The following ARHGEF28 variants were observed in gnomAD, a reference collection of about 807,000 sequenced individuals.
ARHGEF28 encodes 190 kDa guanine nucleotide exchange factor.
A neutral mutation model predicts 206.6 loss-of-function variants in ARHGEF28; 152 were observed. The ratio of observed to expected loss-of-function variants is 0.74; its 90% CI spans 0.64 to 0.84. The LOEUF is 0.84. ARHGEF28 is among the 40% of genes least tolerant of loss of function. The pLI is 0.00. For synonymous variants in ARHGEF28, 763 were observed against 776.4 expected (o/e 0.98, Z 0.29); for missense variants, 2,028 against 2,073.2 (o/e 0.98, Z 0.42).
intron 30 of ARHGEF28, chr5:73,900,953 C>T: frequency 2.4e-6 from 1 of 415,472 alleles, no homozygotes; most frequent in East Asian, 4.5e-5. Flanking sequence ...GATGGTGATA[C>T]TTTGTGCGGT....
intron 7 of ARHGEF28, among the ~76,000 whole-genome samples, chr5:73,788,913 T>C (rs1339917900): frequency 6.6e-6 from 1 of 150,792 alleles, no homozygotes; most frequent in Non-Finnish European, 1.5e-5. Context: ...CTTTAGAGAT[T>C]TCTATGGTGG....
chr5:73,918,892 T>C (rs1056970258), intron 35 of ARHGEF28, among the ~76,000 whole-genome samples: 1 of 152,234 alleles, frequency 6.6e-6, no homozygotes, highest in Non-Finnish European at 1.5e-5. Context: ...AGGGCTTGGC[T>C]GGAGCCTGCA....
At chr5:73,861,453 A>G (rs1178911157) in intron 16 of ARHGEF28, among the ~76,000 whole-genome samples, 1 of 152,186 alleles carries the variant, frequency 6.6e-6, no homozygotes. Flanking sequence ...ATAAAAAACT[A>G]TGGGAGCCTT....
chr5:73,887,596 T>C lies in ARHGEF28; in HGVS notation c.3311-7T>C, dbSNP rs1198990997. 2.6e-6 allele frequency: 4 copies of C among 1,548,718 alleles called. No individual in the cohort carries two copies. Among genetic ancestry groups the C allele is most frequent in the Non-Finnish European group, 3.5e-6 (4 of 1,147,224 alleles). On this transcript the variant is annotated splice_polypyrimidine_tract_variant and splice_region_variant and intron_variant, in intron 25 of 35. Coordinates refer to ENST00000513042, the MANE Select transcript of ARHGEF28 (RefSeq NM_001177693.2). ...TCATTAATACTAGTAATGTTTTTTC[T>C]TTAAAGATATCCTAGCTCTACTTCT...
At chr5:73,845,909 G>A (rs115410201) in intron 11 of ARHGEF28, among the ~76,000 whole-genome samples, 1 of 147,808 alleles carries the variant, frequency 6.8e-6, no homozygotes, top group Non-Finnish European at 1.5e-5. Context: ...CATTGTTTGA[G>A]CCTGGGAGAC....
intron 9 of ARHGEF28, chr5:73,813,796 A>G (rs1286228257): frequency 9.8e-7 from 1 of 1,020,330 alleles, no homozygotes; most frequent in Admixed American, 2.2e-5. Flanking sequence ...CCTTTATAAA[A>G]CACTCACTGT....
intron 8 of ARHGEF28, among the ~76,000 whole-genome samples, chr5:73,794,858 C>T (rs1215629102): frequency 2.0e-5 from 3 of 152,188 alleles, no homozygotes; most frequent in African/African-American, 7.2e-5. Context: ...CTGCCCGCCT[C>T]GGTCTCCCCA....
chr5:73,858,993 C>T (rs1430498173), intron 16 of ARHGEF28, among the ~76,000 whole-genome samples: 1 of 152,056 alleles, frequency 6.6e-6, no homozygotes, highest in Non-Finnish European at 1.5e-5. Context: ...CTGGCTGTTC[C>T]TTCTGATTGC....
intron 11 of ARHGEF28, among the ~76,000 whole-genome samples, chr5:73,845,451 G>C (rs1758275594): frequency 6.6e-6 from 1 of 152,036 alleles, no homozygotes; most frequent in African/African-American, 2.4e-5. Flanking sequence ...ATCTCTCCTT[G>C]GTGTGCCTCT....
chr5:73,921,309 T>G (rs1416995352), intron 35 of ARHGEF28, among the ~76,000 whole-genome samples: 4 of 152,206 alleles, frequency 2.6e-5, no homozygotes, highest in African/African-American at 9.7e-5. Flanking sequence ...GTGGGTCACT[T>G]TTCAGACACA....
rs747671340 is a variant in ARHGEF28, at chr5:73,776,556, C to A, written c.700C>A (p.Leu234Ile). Reference protein sequence around the residue: ...RWSPSFSRVQLSEEASLHYIH... With the variant: ...RWSPSFSRVQISEEASLHYIH... ...GTCCCCAAGCTTCTCCCGAGTGCAG[C>A]TCAGTGAAGAAGCCTCCTTGCATTA... Residue 234 changes from leucine (L) to isoleucine (I), a missense_variant, in exon 6 of 36, where the codon CTC becomes ATC. Transcript: ENST00000513042. 6.2e-7 allele frequency: 1 copy of A among 1,613,776 alleles called. No individual in the cohort carries two copies. Among genetic ancestry groups the A allele is most frequent in the South Asian group, 1.1e-5 (1 of 91,028 alleles).
chr5:73,868,334 G>T (rs1759847882), intron 20 of ARHGEF28, 107 bp downstream of exon 20: 34 of 1,363,002 alleles, frequency 2.5e-5, no homozygotes, highest in South Asian at 1.3e-4. Flanking sequence ...CTTTTTCAAA[G>T]AAGTCTGTTT....
At chr5:73,747,575 A>G (rs918727082) in intron 2 of ARHGEF28, among the ~76,000 whole-genome samples, 5 of 152,044 alleles carry the variant, frequency 3.3e-5, no homozygotes, top group African/African-American at 1.2e-4. Flanking sequence ...TCTCCTGCCC[A>G]TCCATTTCTG....
intron 3 of ARHGEF28, among the ~76,000 whole-genome samples, chr5:73,751,792 G>A (rs1479954890): frequency 6.6e-6 from 1 of 152,020 alleles, no homozygotes; most frequent in Non-Finnish European, 1.5e-5. Flanking sequence ...AATTTCCCTG[G>A]TGACAGCTTT....
At chr5:73,780,861 G>A (rs1753808065) in intron 7 of ARHGEF28, 116 bp downstream of exon 7, 1 of 1,105,866 alleles carries the variant, frequency 9.0e-7, no homozygotes, top group Non-Finnish European at 1.3e-6. Flanking sequence ...TCAGAGGCAA[G>A]ATCAGGGGTG....
chr5:73,867,775 A>C, intron 18 of ARHGEF28, 101 bp from the exon 19 acceptor site: 1 of 1,466,758 alleles, frequency 6.8e-7, no homozygotes, highest in Non-Finnish European at 9.3e-7. Flanking sequence ...ATCAGATTAC[A>C]AGTAGTCATT....
At chr5:73,734,905 C>T (rs532486652) in intron 2 of ARHGEF28, among the ~76,000 whole-genome samples, 1 of 152,128 alleles carries the variant, frequency 6.6e-6, no homozygotes, top group African/African-American at 2.4e-5. Context: ...GCTTACTACA[C>T]CTTCTATTTT....
chr5:73,720,684 A>G (rs1749887329), intron 2 of ARHGEF28, among the ~76,000 whole-genome samples: 1 of 152,218 alleles, frequency 6.6e-6, no homozygotes, highest in South Asian at 2.1e-4. Flanking sequence ...AAGGAGAGTC[A>G]TGGGCTGGAT....
chr5:73,694,217 A>G (rs1748036529), intron 2 of ARHGEF28, among the ~76,000 whole-genome samples: 2 of 152,194 alleles, frequency 1.3e-5, no homozygotes. Flanking sequence ...TGAGATGATA[A>G]GCTTCTGGGG....
Sources: gnomAD v4.1 joint callset for allele counts (sites outside exome capture counted in the v4.1 genomes callset) on GRCh38, gnomAD v4.1.1 for gene constraint, MANE v1.5 for transcripts, NCBI Gene and HGNC (gene_info 2026-07-23, HGNC 2026-07-21) for gene names.